The following CERS6 variants were observed in gnomAD, a reference collection of about 807,000 sequenced individuals.
CERS6 encodes the protein ceramide synthase 6.
In CERS6, 26 loss-of-function variants were observed where a neutral mutation model predicts 56.8. The observed-to-expected ratio is 0.46, with a 90% confidence interval of 0.34 to 0.63. CERS6 has a LOEUF of 0.63. Among genes scored for constraint, CERS6 ranks in the 30% least tolerant of loss-of-function variants. The pLI is 0.01. For missense variants in CERS6, 415 were observed against 467.5 expected, an observed-to-expected ratio of 0.89 and a Z score of 1.04; for synonymous variants, 164 against 173.3, an observed-to-expected ratio of 0.95 and a Z score of 0.42.
At chr2:168,690,261 G>A (rs191374017) in intron 4 of CERS6, among the ~76,000 whole-genome samples, 1 of 152,116 alleles carries the variant, frequency 6.6e-6, no homozygotes, top group South Asian at 2.1e-4. Context: ...GTAGATAAGG[G>A]ATGCAAAAGA....
chr2:168,559,016 T>C lies in CERS6; in HGVS notation c.277-2176T>C, dbSNP rs891088924. The stretch of plus-strand genomic sequence containing the variant: ...TGGAAGGTGAAACTTTGGATAATTT[T>C]AAATTTTTGCACCATATGAATTTTT... On this transcript the variant is annotated intron_variant, in intron 2 of 9. Coordinates refer to ENST00000305747, the MANE Select transcript of CERS6 (RefSeq NM_203463.3). Among the ~76,000 whole-genome samples, 4 of 152,326 alleles carry C rather than the reference T, an allele frequency of 2.6e-5. No individual in the cohort carries two copies. In the East Asian group the frequency reaches 7.7e-4, roughly 29 times the overall value.
chr2:168,462,509 T>G (rs1300564009), intron 1 of CERS6, among the ~76,000 whole-genome samples: 1 of 152,200 alleles, frequency 6.6e-6, no homozygotes, highest in East Asian at 1.9e-4. Context: ...ACATCTATAC[T>G]GTAGCATGAT....
At chr2:168,723,307 CA>C (rs1683233696) in intron 8 of CERS6, among the ~76,000 whole-genome samples, 1 of 152,202 alleles carries the variant, frequency 6.6e-6, no homozygotes, top group African/African-American at 2.4e-5. Flanking sequence ...AGTTCTGCCC[CA>C]GGCTGTCATA....
chr2:168,644,117 C>T (rs1012250051), intron 4 of CERS6: 17 of 985,008 alleles, frequency 1.7e-5, no homozygotes, highest in Non-Finnish European at 1.9e-5. Flanking sequence ...GGAGATATGA[C>T]TTGCTTGCAA....
chr2:168,603,660 G>A (rs1683986734), intron 3 of CERS6, among the ~76,000 whole-genome samples: 1 of 152,212 alleles, frequency 6.6e-6, no homozygotes, highest in South Asian at 2.1e-4. Context: ...CAGCCTCCTG[G>A]AAGGTCCTGT....
chr2:168,730,635 G>T (rs1363742018), intron 8 of CERS6, among the ~76,000 whole-genome samples: 3 of 152,144 alleles, frequency 2.0e-5, no homozygotes, highest in African/African-American at 7.2e-5. Context: ...TGTCAATTAG[G>T]TGCCCAACCT....
At chr2:168,686,396 A>T (rs1026674955) in intron 4 of CERS6, among the ~76,000 whole-genome samples, 1 of 151,046 alleles carries the variant, frequency 6.6e-6, no homozygotes, top group Non-Finnish European at 1.5e-5. Context: ...ATTAGGGCAG[A>T]TGCAAAAAAT....
chr2:168,464,847 C>T (rs979972559), intron 1 of CERS6, among the ~76,000 whole-genome samples: 16 of 152,112 alleles, frequency 1.1e-4, no homozygotes, highest in Admixed American at 2.0e-4. Flanking sequence ...CTATGAGATA[C>T]GCATTAGGAT....
chr2:168,541,528 T>G (rs1695369922), intron 1 of CERS6, among the ~76,000 whole-genome samples: 1 of 152,320 alleles, frequency 6.6e-6, no homozygotes, highest in Middle Eastern at 3.4e-3. Context: ...ATTTTTCCTT[T>G]GCATGTCTTT....
intron 4 of CERS6, among the ~76,000 whole-genome samples, chr2:168,634,040 G>C (rs1054202415): frequency 5.3e-5 from 8 of 152,134 alleles, no homozygotes; most frequent in Non-Finnish European, 1.0e-4. Context: ...AAATGAGCCT[G>C]TTGTGTCTCA....
At chr2:168,743,160 A>G (rs58609585) in intron 8 of CERS6, among the ~76,000 whole-genome samples, 10,525 of 151,304 alleles carry the variant, frequency 0.07, 715 homozygotes, top group African/African-American at 0.17. Flanking sequence ...ATATATATAT[A>G]TATGTATGTA....
At chr2:168,657,955 C>T (rs929260110) in intron 4 of CERS6, among the ~76,000 whole-genome samples, 3 of 152,214 alleles carry the variant, frequency 2.0e-5, no homozygotes, top group Non-Finnish European at 4.4e-5. Context: ...GGGGAGGTGC[C>T]GAGAGCAAGC....
At position 168,691,124 on chromosome 2, in the gene CERS6, G is replaced by A. The variant is rs779804027; in HGVS notation, c.516+40G>A. The A allele has an allele frequency of 1.9e-6, 3 of 1,578,702 alleles. No homozygotes were observed. In the South Asian group the frequency reaches 3.3e-5, roughly 18 times the overall value. On this transcript the variant is annotated intron_variant, in intron 5 of 9. Coordinates refer to ENST00000305747, the MANE Select transcript of CERS6 (RefSeq NM_203463.3). Reference sequence around the variant, plus strand: ...TTGTCTGGGTTTTTACACACATTAAGTATCTACCTTCGGTCAATTTCATGG... The same window carrying A: ...TTGTCTGGGTTTTTACACACATTAAATATCTACCTTCGGTCAATTTCATGG...
At chr2:168,559,203 A>G (rs1337817107) in intron 2 of CERS6, among the ~76,000 whole-genome samples, 1 of 146,474 alleles carries the variant, frequency 6.8e-6, no homozygotes, top group Non-Finnish European at 1.5e-5. Flanking sequence ...TACTACTACT[A>G]AAAAAAAAAC....
intron 3 of CERS6, among the ~76,000 whole-genome samples, chr2:168,625,994 T>A (rs1308236551): frequency 1.3e-5 from 2 of 152,138 alleles, no homozygotes; most frequent in African/African-American, 4.8e-5. Flanking sequence ...TTTTTAGGTA[T>A]AAAATCAGGA....
At chr2:168,568,188 A>G (rs547832709) in intron 3 of CERS6, among the ~76,000 whole-genome samples, 2 of 152,364 alleles carry the variant, frequency 1.3e-5, no homozygotes, top group South Asian at 2.1e-4. Context: ...TGGTCTGCCT[A>G]CATTTGAGTT....
intron 1 of CERS6, among the ~76,000 whole-genome samples, chr2:168,459,966 G>A (rs1693749055): frequency 6.6e-6 from 1 of 152,174 alleles, no homozygotes; most frequent in Admixed American, 6.5e-5. Flanking sequence ...TAGGAGAGAT[G>A]CAGGAAGTAT....
intron 1 of CERS6, among the ~76,000 whole-genome samples, chr2:168,507,914 T>C (rs138966367): frequency 2.5e-4 from 38 of 152,356 alleles, no homozygotes; most frequent in Admixed American, 9.2e-4. Flanking sequence ...TTCAAGTTGC[T>C]AACTGTGCCT....
At chr2:168,702,320 C>T (rs1299535980) in intron 6 of CERS6, among the ~76,000 whole-genome samples, 2 of 151,992 alleles carry the variant, frequency 1.3e-5, no homozygotes, top group East Asian at 3.8e-4. Context: ...TTTCATAGAA[C>T]CCCATTTTTA....
Sources: allele counts gnomAD v4.1 joint callset (sites outside exome capture counted in the v4.1 genomes callset), GRCh38; gene constraint gnomAD v4.1.1; transcripts MANE v1.5; gene names NCBI Gene and HGNC (gene_info 2026-07-23, HGNC 2026-07-21).